Variants in GLRA1 observed in about 807,000 individuals in gnomAD.
GLRA1 encodes glycine receptor subunit alpha-1.
Under a neutral mutation model 48.3 loss-of-function variants are expected in GLRA1, and 37 were observed. That is an observed-to-expected ratio of 0.77 (90% CI 0.59 to 1.01). GLRA1 has a LOEUF of 1.01. Ranked by LOEUF, GLRA1 falls within the 50% of genes least tolerant of loss-of-function variation. GLRA1 has a pLI of 0.00. For synonymous variants in GLRA1, 196 were observed against 210.7 expected, an observed-to-expected ratio of 0.93 and a Z score of 0.60; for missense variants, 427 against 571.0, an observed-to-expected ratio of 0.75 and a Z score of 2.57.
At chr5:151,892,535 G>A (rs1387281234) in intron 1 of GLRA1, 97 bp from the exon 2 acceptor site, 1 of 1,336,942 alleles carries the variant, frequency 7.5e-7, no homozygotes, top group Non-Finnish European at 1.1e-6. Context: ...AACCACAAGA[G>A]TGTTCTTAGC....
In GLRA1 at chr5:151,851,528, G is replaced by C. The variant is rs1418825576; in HGVS notation, c.774C>G (p.Pro258=). 6.2e-6 allele frequency: 10 copies of C among 1,613,728 alleles called. No homozygotes were observed. Among genetic ancestry groups the C allele is most frequent in the Admixed American group, 5.0e-5 (3 of 60,002 alleles). ...ATGAGAGGATGACAATGAGCAGGCT[G>C]GGAATATACATCTGAATCAGGTAGT... ...MGYYLIQMYI[P]SLLIVILSWI... Residue 258 remains proline (P), a synonymous_variant, in exon 7 of 9, where the codon CCC becomes CCG. Transcript: ENST00000274576.
chr5:151,850,708 T>C, intron 7 of GLRA1: 2 of 1,149,042 alleles, frequency 1.7e-6, no homozygotes, highest in African/African-American at 1.5e-5. Context: ...CCTCTGCCAC[T>C]GCGAACCCTT....
intron 7 of GLRA1, chr5:151,849,104 T>TTTCCTTTC (rs200997346): frequency 8.6e-6 from 1 of 116,064 alleles, no homozygotes; most frequent in Admixed American, 1.1e-4. Context: ...ATTTCTTTTC[T>TTTCCTTTC]TTTCTTTCTT....
rs890814369 is a variant in GLRA1, at chr5:151,822,611, C to T, written c.*62G>A. ...CCGTTCCCCTTCTCTTCCTTAGTCT[C>T]TCAGATTCCTGTGCTATTCCCACGT... is the stretch of plus-strand genomic sequence containing the variant. On this transcript the variant is annotated 3_prime_UTR_variant, in exon 9 of 9. Transcript: ENST00000274576. 31 of 1,172,914 alleles carry T rather than the reference C, an allele frequency of 2.6e-5. No homozygotes were observed. Among genetic ancestry groups the T allele is most frequent in the Non-Finnish European group, 3.6e-5 (28 of 779,042 alleles). The allele number at this position is 1,172,914 out of a possible 1,614,324, so 72.7% of individuals were successfully genotyped here.
intron 3 of GLRA1, among the ~76,000 whole-genome samples, chr5:151,872,852 A>G (rs1016101332): frequency 2.0e-5 from 3 of 149,850 alleles, no homozygotes; most frequent in African/African-American, 7.7e-5. Context: ...CCATGTCGAG[A>G]GAGGCGTCAA....
rs115129447 is a variant in GLRA1, at chr5:151,838,030, T to C, written c.913-8963A>G. Among the ~76,000 whole-genome samples, 853 of 152,204 alleles carry C rather than the reference T, an allele frequency of 5.6e-3. 12 individuals are homozygous for C. The highest frequency in any genetic ancestry group is 0.02 in the African/African-American group (824 of 41,524). On this transcript the variant is annotated intron_variant, in intron 7 of 8. Transcript: ENST00000274576. ...TATGGCTCATACATAGGGAGAAAAGTAGTCAAAAGAAGCTGTCCCTGAGGA... is the reference window on the plus strand; with the variant it reads ...TATGGCTCATACATAGGGAGAAAAGCAGTCAAAAGAAGCTGTCCCTGAGGA...
intron 8 of GLRA1, among the ~76,000 whole-genome samples, chr5:151,825,753 G>T (rs1361567584): frequency 6.6e-6 from 1 of 152,190 alleles, no homozygotes; most frequent in Non-Finnish European, 1.5e-5. Flanking sequence ...CACAACAAAT[G>T]AGGCAACATG....
chr5:151,883,049 T>A (rs1487941334), intron 3 of GLRA1, among the ~76,000 whole-genome samples: 1 of 152,192 alleles, frequency 6.6e-6, no homozygotes, highest in Non-Finnish European at 1.5e-5. Flanking sequence ...GAGATATATA[T>A]AAGAAATACT....
At chr5:151,882,723 T>G (rs1024248124) in intron 3 of GLRA1, among the ~76,000 whole-genome samples, 1 of 130,850 alleles carries the variant, frequency 7.6e-6, no homozygotes. Flanking sequence ...ATTTCTTAAG[T>G]TTTTTTTTTT....
intron 3 of GLRA1, among the ~76,000 whole-genome samples, chr5:151,884,149 T>C (rs1191428896): frequency 6.6e-6 from 1 of 152,038 alleles, no homozygotes; most frequent in African/African-American, 2.4e-5. Flanking sequence ...TTTTTCTAGG[T>C]TGGGTGCAGT....
intron 7 of GLRA1, among the ~76,000 whole-genome samples, chr5:151,842,134 G>A (rs1581607260): frequency 1.3e-5 from 2 of 150,376 alleles, no homozygotes; most frequent in Admixed American, 1.3e-4. Context: ...ATAAAAATTC[G>A]ACAAAGAATT....
In GLRA1 at chr5:151,886,718, C is replaced by T. The variant is rs1581645103; in HGVS notation, c.252+3G>A. On this transcript the variant is annotated splice_donor_region_variant and intron_variant, in intron 3 of 8. Coordinates refer to ENST00000274576, the MANE Select transcript of GLRA1 (RefSeq NM_000171.4). Reference sequence around the variant, plus strand: ...CTAACAGCTTGTGTTTTGACTTACTCACCATGGTTGTCTCAGCAATGGAAC... The same window carrying T: ...CTAACAGCTTGTGTTTTGACTTACTTACCATGGTTGTCTCAGCAATGGAAC... 6.2e-7 allele frequency: 1 copy of T among 1,602,030 alleles called. No individual in the cohort carries two copies. The highest frequency in any genetic ancestry group is 8.6e-7 in the Non-Finnish European group (1 of 1,169,058).
chr5:151,847,588 G>A (rs752077277), intron 7 of GLRA1, among the ~76,000 whole-genome samples: 14 of 152,102 alleles, frequency 9.2e-5, no homozygotes, highest in South Asian at 2.1e-4. Flanking sequence ...GCATGACGGC[G>A]CGTGCCTGTA....
intron 3 of GLRA1, among the ~76,000 whole-genome samples, chr5:151,868,171 T>G (rs1448678324): frequency 6.6e-6 from 1 of 152,236 alleles, no homozygotes; most frequent in Non-Finnish European, 1.5e-5. Flanking sequence ...TCTCTCATTT[T>G]ACAGAAAGGG....
chr5:151,877,283 A>C (rs1753649611), intron 3 of GLRA1, among the ~76,000 whole-genome samples: 1 of 152,218 alleles, frequency 6.6e-6, no homozygotes, highest in Non-Finnish European at 1.5e-5. Flanking sequence ...CATCTGCAGC[A>C]GACTTTAGAT....
At chr5:151,879,724 G>A (rs1303956812) in intron 3 of GLRA1, among the ~76,000 whole-genome samples, 2 of 152,152 alleles carry the variant, frequency 1.3e-5, no homozygotes, top group African/African-American at 4.8e-5. Context: ...ACTTTGGACT[G>A]TGGACTTTTG....
intron 3 of GLRA1, among the ~76,000 whole-genome samples, chr5:151,870,687 C>G (rs12653926): frequency 6.7e-6 from 1 of 149,394 alleles, no homozygotes; most frequent in African/African-American, 2.6e-5. Flanking sequence ...TACTGCATCA[C>G]TATATTTGTG....
At chr5:151,875,596 G>C (rs926459797) in intron 3 of GLRA1, 4 of 152,180 alleles carry the variant, frequency 2.6e-5, no homozygotes, top group Admixed American at 6.5e-5. Context: ...TATAGGACTG[G>C]ACAAATCCTC....
At chr5:151,836,627 G>A (rs1763583782) in intron 7 of GLRA1, among the ~76,000 whole-genome samples, 1 of 152,134 alleles carries the variant, frequency 6.6e-6, no homozygotes, top group Admixed American at 6.6e-5. Flanking sequence ...CAACGGAACA[G>A]AACAGAGGCC....
Sources: allele counts gnomAD v4.1 joint callset (sites outside exome capture counted in the v4.1 genomes callset), GRCh38; gene constraint gnomAD v4.1.1; transcripts MANE v1.5; gene names NCBI Gene and HGNC (gene_info 2026-07-23, HGNC 2026-07-21).